PIP5K1B: variants seen among roughly 807,000 people sequenced by gnomAD.
PIP5K1B encodes the protein phosphatidylinositol 4-phosphate 5-kinase type-1 beta.
In PIP5K1B, 42 loss-of-function variants were observed where a neutral mutation model predicts 67.0. The ratio of observed to expected loss-of-function variants is 0.63; its 90% CI spans 0.49 to 0.81. The LOEUF (loss-of-function observed/expected upper bound fraction) is 0.81. Ranked by LOEUF, PIP5K1B falls within the 30% of genes least tolerant of loss-of-function variation. The pLI is 0.00. For synonymous variants in PIP5K1B, 214 were observed against 231.4 expected (o/e 0.92, Z 0.68); for missense variants, 459 against 646.3 (o/e 0.71, Z 3.14).
chr9:68,950,527 C>T (rs531313365), intron 14 of PIP5K1B, among the ~76,000 whole-genome samples: 4 of 152,268 alleles, frequency 2.6e-5, no homozygotes, highest in African/African-American at 7.2e-5. Flanking sequence ...TTGGCCCAAC[C>T]ACTGTATTTC....
At chr9:68,708,706 C>T (rs1447348522) in intron 1 of PIP5K1B, among the ~76,000 whole-genome samples, 2 of 152,118 alleles carry the variant, frequency 1.3e-5, no homozygotes, top group East Asian at 1.9e-4. Context: ...AATACTGTCT[C>T]GTGGTTTCAG....
intron 2 of PIP5K1B, among the ~76,000 whole-genome samples, chr9:68,762,952 G>A (rs373575430): frequency 6.6e-6 from 1 of 152,194 alleles, no homozygotes; most frequent in Admixed American, 6.6e-5. Flanking sequence ...CGAATATGAG[G>A]CTTAATGCAA....
intron 6 of PIP5K1B, among the ~76,000 whole-genome samples, chr9:68,878,468 T>G (rs1184151940): frequency 6.6e-6 from 1 of 152,188 alleles, no homozygotes; most frequent in Non-Finnish European, 1.5e-5. Flanking sequence ...AAAAATTATT[T>G]TCATAATGTG....
chr9:68,813,725 T>G (rs1485217158), intron 2 of PIP5K1B, among the ~76,000 whole-genome samples: 2 of 151,978 alleles, frequency 1.3e-5, no homozygotes, highest in South Asian at 4.1e-4. Context: ...GGGAGACACA[T>G]GGAGAGAAGC....
At chr9:68,907,222 A>AT (rs1825657649) in intron 8 of PIP5K1B, among the ~76,000 whole-genome samples, 1 of 151,964 alleles carries the variant, frequency 6.6e-6, no homozygotes, top group African/African-American at 2.4e-5. Flanking sequence ...TTTATCCTCC[A>AT]TTTTTTAGGT....
intron 2 of PIP5K1B, among the ~76,000 whole-genome samples, chr9:68,813,942 G>A (rs1833296916): frequency 6.6e-6 from 1 of 152,228 alleles, no homozygotes; most frequent in African/African-American, 2.4e-5. Context: ...AAGCCACCCA[G>A]ACTGTCGTAC....
At chr9:68,754,895 T>A (rs983770498) in intron 2 of PIP5K1B, among the ~76,000 whole-genome samples, 2 of 152,234 alleles carry the variant, frequency 1.3e-5, no homozygotes, top group Non-Finnish European at 2.9e-5. Flanking sequence ...CTCTTTTTTT[T>A]AAATAACATG....
Position 68,872,234 on chromosome 9 carries a change from G to A in PIP5K1B, c.201-4443G>A, listed in dbSNP as rs532327635. ...TACACACAGTAAATGTGCCAGCGTGGGGCCTCAGAGAACCAAGGTTGTTGC... is the reference window on the plus strand; with the variant it reads ...TACACACAGTAAATGTGCCAGCGTGAGGCCTCAGAGAACCAAGGTTGTTGC... On this transcript the variant is annotated intron_variant, in intron 5 of 15. Transcript: ENST00000265382. Among the ~76,000 whole-genome samples the A allele has an allele frequency of 1.1e-4, 16 of 152,322 alleles. No homozygotes were observed. The South Asian group carries it at 3.3e-3, about 32-fold the overall frequency.
At chr9:68,874,558 T>A (rs886135385) in intron 5 of PIP5K1B, among the ~76,000 whole-genome samples, 1 of 152,124 alleles carries the variant, frequency 6.6e-6, no homozygotes, top group African/African-American at 2.4e-5. Flanking sequence ...AATGGAAACT[T>A]CAGGGAAAGA....
At chr9:68,965,825 G>A (rs937991020) in intron 14 of PIP5K1B, among the ~76,000 whole-genome samples, 2 of 151,822 alleles carry the variant, frequency 1.3e-5, no homozygotes, top group Non-Finnish European at 2.9e-5. Context: ...AATTCGCCAG[G>A]CATGATGCAT....
chr9:68,906,041 CAG>C (rs1168576438), intron 8 of PIP5K1B, among the ~76,000 whole-genome samples: 11 of 152,108 alleles, frequency 7.2e-5, no homozygotes, highest in Admixed American at 1.3e-4. Context: ...AATTTTGAGA[CAG>C]AGTCTCATTC....
At chr9:68,832,567 G>A (rs1260271138) in intron 4 of PIP5K1B, among the ~76,000 whole-genome samples, 1 of 152,140 alleles carries the variant, frequency 6.6e-6, no homozygotes, top group East Asian at 1.9e-4. Context: ...CATGAAAGAG[G>A]CAACCCTTCA....
At chr9:68,851,640 G>A (rs981995945) in intron 4 of PIP5K1B, among the ~76,000 whole-genome samples, 2 of 152,134 alleles carry the variant, frequency 1.3e-5, no homozygotes, top group East Asian at 3.8e-4. Flanking sequence ...AGAGTGGGTA[G>A]GATACTGAAA....
chr9:68,800,022 A>G (rs145906827), intron 2 of PIP5K1B, among the ~76,000 whole-genome samples: 2 of 152,382 alleles, frequency 1.3e-5, no homozygotes, highest in African/African-American at 2.4e-5. Flanking sequence ...GGGAACCCCT[A>G]CAACCCAATA....
intron 12 of PIP5K1B, among the ~76,000 whole-genome samples, chr9:68,924,812 A>G (rs1301361579): frequency 1.3e-5 from 2 of 152,136 alleles, no homozygotes; most frequent in African/African-American, 2.4e-5. Flanking sequence ...ATGAAAGTCA[A>G]ACACTTGCAA....
intron 2 of PIP5K1B, among the ~76,000 whole-genome samples, chr9:68,814,376 T>C (rs1833325778): frequency 6.6e-6 from 1 of 152,154 alleles, no homozygotes; most frequent in South Asian, 2.1e-4. Context: ...ACAACAAATG[T>C]AATTAATAGT....
intron 1 of PIP5K1B, among the ~76,000 whole-genome samples, chr9:68,735,581 C>T (rs989588392): frequency 3.3e-5 from 5 of 151,888 alleles, no homozygotes; most frequent in Non-Finnish European, 7.4e-5. Context: ...GTAGAGATGG[C>T]GTTTAGCCAT....
At chr9:68,766,033 A>C (rs1012834467) in intron 2 of PIP5K1B, among the ~76,000 whole-genome samples, 5 of 152,206 alleles carry the variant, frequency 3.3e-5, no homozygotes, top group African/African-American at 1.2e-4. Context: ...AATTTCCATT[A>C]GTAGATAATC....
chr9:68,745,919 G>A (rs1470017575), intron 2 of PIP5K1B, among the ~76,000 whole-genome samples: 1 of 151,958 alleles, frequency 6.6e-6, no homozygotes, highest in Non-Finnish European at 1.5e-5. Flanking sequence ...CACATCAAAT[G>A]GTAAGCCCCA....
Sources: allele counts gnomAD v4.1 joint callset (sites outside exome capture counted in the v4.1 genomes callset), GRCh38; gene constraint gnomAD v4.1.1; transcripts MANE v1.5; gene names NCBI Gene and HGNC (gene_info 2026-07-23, HGNC 2026-07-21).